ANKRD31: variants seen among roughly 807,000 people sequenced by gnomAD.
ANKRD31 encodes ankyrin repeat domain-containing protein 31.
In ANKRD31, 147 loss-of-function variants were observed where a neutral mutation model predicts 186.0. The observed-to-expected ratio is 0.79, with a 90% confidence interval of 0.69 to 0.91. The LOEUF (loss-of-function observed/expected upper bound fraction) is 0.91. Among genes scored for constraint, ANKRD31 ranks in the 40% least tolerant of loss-of-function variants. The pLI is 0.00. For missense variants in ANKRD31, 1,986 were observed against 2,148.8 expected (o/e 0.92, Z 1.50); for synonymous variants, 673 against 736.4 (o/e 0.91, Z 1.39).
At position 75,147,523 on chromosome 5, in the gene ANKRD31, ATAGT is replaced by A. The variant is rs1379857749; in HGVS notation, c.1906-22_1906-19del. 7.2e-7 allele frequency: 1 copy of A among 1,384,668 alleles called. No homozygotes were observed. Among genetic ancestry groups the A allele is most frequent in the Admixed American group, 3.0e-5 (1 of 33,204 alleles). The allele number at this position is 1,384,668 out of a possible 1,614,324, so 85.8% of individuals were successfully genotyped here. On this transcript the variant is annotated intron_variant, in intron 13 of 25. Transcript: ENST00000506364. ...TTTGGTTTCTATAGAAAAAAAATAC[ATAGT>A]TAGCTTTAATTTTCAGCGGTAGTAC...
At chr5:75,198,959 G>T (rs938863706) in intron 6 of ANKRD31, among the ~76,000 whole-genome samples, 2 of 152,276 alleles carry the variant, frequency 1.3e-5, no homozygotes, top group Admixed American at 6.5e-5. Flanking sequence ...AAGCATGAAG[G>T]CAGGAAAGTG....
At chr5:75,195,186 C>T (rs895972263) in intron 7 of ANKRD31, among the ~76,000 whole-genome samples, 1 of 152,166 alleles carries the variant, frequency 6.6e-6, no homozygotes, top group Non-Finnish European at 1.5e-5. Context: ...ATCCCAACTG[C>T]ATATATTCTA....
intron 5 of ANKRD31, among the ~76,000 whole-genome samples, chr5:75,204,402 T>C (rs1756017409): frequency 6.6e-6 from 1 of 152,248 alleles, no homozygotes. Context: ...TACTTATAAA[T>C]AAATACCTTA....
chr5:75,200,870 C>A (rs1353723642), intron 5 of ANKRD31, among the ~76,000 whole-genome samples: 1 of 151,026 alleles, frequency 6.6e-6, no homozygotes, highest in Non-Finnish European at 1.5e-5. Context: ...CGCGATTACA[C>A]CACTGCACTC....
chr5:75,161,185 G>A (rs1002573910), intron 11 of ANKRD31, among the ~76,000 whole-genome samples: 18 of 152,174 alleles, frequency 1.2e-4, no homozygotes, highest in African/African-American at 4.3e-4. Context: ...GAACTCCCTA[G>A]AGACTTGTTG....
At chr5:75,108,301 C>T (rs1747496484) in intron 20 of ANKRD31, among the ~76,000 whole-genome samples, 1 of 151,918 alleles carries the variant, frequency 6.6e-6, no homozygotes, top group African/African-American at 2.4e-5. Flanking sequence ...CCTAAGGTCA[C>T]CTATAGATCT....
intron 9 of ANKRD31, among the ~76,000 whole-genome samples, chr5:75,191,323 TAA>T (rs1367026852): frequency 6.6e-6 from 1 of 152,174 alleles, no homozygotes; most frequent in Non-Finnish European, 1.5e-5. Flanking sequence ...CTTCTACATC[TAA>T]ACTCTCTATT....
intron 22 of ANKRD31, among the ~76,000 whole-genome samples, chr5:75,098,747 T>G: frequency 6.6e-6 from 1 of 152,236 alleles, no homozygotes; most frequent in East Asian, 1.9e-4. Flanking sequence ...GTTGTTGGTG[T>G]ATAGAAATGC....
chr5:75,205,528 G>A (rs932843522), intron 5 of ANKRD31, among the ~76,000 whole-genome samples: 1 of 152,068 alleles, frequency 6.6e-6, no homozygotes, highest in African/African-American at 2.4e-5. Flanking sequence ...CACACCCTTA[G>A]CACCCACATA....
At chr5:75,108,992 A>C (rs2150065905) in intron 20 of ANKRD31, among the ~76,000 whole-genome samples, 1 of 152,316 alleles carries the variant, frequency 6.6e-6, no homozygotes, top group African/African-American at 2.4e-5. Flanking sequence ...ATAATTTGGT[A>C]TCACACACTT....
chr5:75,134,006 A>G (rs9836593), intron 17 of ANKRD31, among the ~76,000 whole-genome samples: 1 of 152,198 alleles, frequency 6.6e-6, no homozygotes, highest in African/African-American at 2.4e-5. Context: ...TCGGGGACAC[A>G]TTTAAAGCAG....
intron 17 of ANKRD31, among the ~76,000 whole-genome samples, chr5:75,131,905 G>A (rs1272780137): frequency 6.6e-6 from 1 of 152,180 alleles, no homozygotes; most frequent in African/African-American, 2.4e-5. Context: ...ACAGGGTCTG[G>A]AGTGGAACTC....
intron 2 of ANKRD31, among the ~76,000 whole-genome samples, chr5:75,223,566 G>T (rs1333964924): frequency 6.6e-6 from 1 of 151,966 alleles, no homozygotes; most frequent in Admixed American, 6.6e-5. Flanking sequence ...TAGATTTTTG[G>T]TTTTTGAAAA....
At chr5:75,079,554 A>C (rs1336104286) in intron 25 of ANKRD31, among the ~76,000 whole-genome samples, 1 of 151,726 alleles carries the variant, frequency 6.6e-6, no homozygotes, top group Non-Finnish European at 1.5e-5. Context: ...AGCTTACTGC[A>C]ACCTCCGCCT....
At chr5:75,070,837 A>C (rs1744168994) in intron 25 of ANKRD31, among the ~76,000 whole-genome samples, 1 of 152,228 alleles carries the variant, frequency 6.6e-6, no homozygotes, top group Admixed American at 6.5e-5. Context: ...TCATGCCTGT[A>C]ATCCCAGTAC....
At chr5:75,166,366 G>C (rs1401101820) in intron 11 of ANKRD31, among the ~76,000 whole-genome samples, 2 of 152,112 alleles carry the variant, frequency 1.3e-5, no homozygotes, top group Non-Finnish European at 2.9e-5. Context: ...AGCTACTCAA[G>C]AGGCTGAGGC....
chr5:75,076,108 A>G (rs895649821), intron 25 of ANKRD31, among the ~76,000 whole-genome samples: 6 of 152,174 alleles, frequency 3.9e-5, no homozygotes, highest in African/African-American at 1.4e-4. Flanking sequence ...TTGACACCAA[A>G]TGTGCGGACT....
intron 18 of ANKRD31, among the ~76,000 whole-genome samples, chr5:75,116,946 A>G (rs927774244): frequency 1.3e-5 from 2 of 152,118 alleles, no homozygotes; most frequent in Non-Finnish European, 2.9e-5. Context: ...TATTATATCC[A>G]TTTTATAGAA....
At chr5:75,081,311 C>G (rs1745062420) in intron 24 of ANKRD31, among the ~76,000 whole-genome samples, 1 of 152,074 alleles carries the variant, frequency 6.6e-6, no homozygotes, top group African/African-American at 2.4e-5. Context: ...TCTTGTCACC[C>G]AGGCTGGAGT....
Sources: allele counts gnomAD v4.1 joint callset (sites outside exome capture counted in the v4.1 genomes callset), GRCh38; gene constraint gnomAD v4.1.1; transcripts MANE v1.5; gene names NCBI Gene and HGNC (gene_info 2026-07-23, HGNC 2026-07-21).